Variants in TMEM131 observed in about 807,000 individuals in gnomAD.
The protein encoded by TMEM131 is 2610524E03Rik.
A neutral mutation model predicts 211.6 loss-of-function variants in TMEM131; 66 were observed. That is an observed-to-expected ratio of 0.31 (90% CI 0.26 to 0.38). The LOEUF (loss-of-function observed/expected upper bound fraction) is 0.38. TMEM131 is among the 10% of genes least tolerant of loss of function. The probability of loss-of-function intolerance (pLI) is 1.00; values close to 1 mark genes in which losing one functional copy is unlikely to be tolerated. For missense variants in TMEM131, 2,036 were observed against 2,299.3 expected (o/e 0.89, Z 2.34); for synonymous variants, 844 against 841.3 (o/e 1.00, Z -0.06).
chr2:97,843,602 AGT>A (rs1683297060), intron 6 of TMEM131, among the ~76,000 whole-genome samples: 1 of 152,214 alleles, frequency 6.6e-6, no homozygotes, highest in African/African-American at 2.4e-5. Context: ...GGCCTCCCAA[AGT>A]GCTGGGATTA....
At chr2:97,967,491 C>T (rs181365865) in intron 1 of TMEM131, among the ~76,000 whole-genome samples, 54 of 148,816 alleles carry the variant, frequency 3.6e-4, no homozygotes, top group Admixed American at 3.1e-3. Flanking sequence ...TCCCTGGGTA[C>T]AGACAAATTG....
At chr2:97,981,890 C>T (rs1435071461) in intron 1 of TMEM131, among the ~76,000 whole-genome samples, 1 of 152,186 alleles carries the variant, frequency 6.6e-6, no homozygotes, top group Non-Finnish European at 1.5e-5. Flanking sequence ...CATAATAATA[C>T]TTCACTCATT....
chr2:97,766,124 T>G lies in TMEM131; in HGVS notation c.4713A>C (p.Lys1571Asn). The G allele has an allele frequency of 6.2e-7, 1 of 1,613,956 alleles. No individual in the cohort carries two copies. Among genetic ancestry groups the G allele is most frequent in the Non-Finnish European group, 8.5e-7 (1 of 1,179,864 alleles). ...PPEWDSVPVH[K>N]PGSSTDSLYK... is the part of the protein sequence containing the mutation. ...AACTACTATACTTACAGCTGCCAGG[T>G]TTGTGAACTGGAACGGAATCCCACT... The change falls in exon 35 of 41, where the codon AAA (lysine) becomes AAC (asparagine). Residue 1571 changes from lysine to asparagine, a missense_variant. Physicochemically the swap from Lys to Asn is moderately conservative, Grantham distance 94 (BLOSUM62 0). Around this residue, in one of 3 missense-constraint regions of TMEM131, gnomAD observed 1,623 missense variants for 1,805.9 expected, o/e 0.90. Coordinates refer to ENST00000186436, the MANE Select transcript of TMEM131 (RefSeq NM_015348.2).
chr2:97,897,565 A>C (rs1242208303), intron 3 of TMEM131, among the ~76,000 whole-genome samples: 1 of 152,152 alleles, frequency 6.6e-6, no homozygotes, highest in African/African-American at 2.4e-5. Context: ...TATTGTTTTC[A>C]AATAATAATC....
chr2:97,974,824 T>C (rs1183604288), intron 1 of TMEM131, among the ~76,000 whole-genome samples: 2 of 151,836 alleles, frequency 1.3e-5, no homozygotes, highest in Non-Finnish European at 2.9e-5. Context: ...AATTCATTAC[T>C]AGCAGATCCA....
intron 22 of TMEM131, among the ~76,000 whole-genome samples, chr2:97,804,497 T>C (rs1329520633): frequency 2.0e-5 from 3 of 151,600 alleles, no homozygotes; most frequent in African/African-American, 7.3e-5. Flanking sequence ...ACCCTATCTC[T>C]ACCAAAAATA....
intron 34 of TMEM131, 58 bp from the exon 35 acceptor site, chr2:97,766,321 C>T: frequency 1.2e-6 from 2 of 1,609,104 alleles, no homozygotes; most frequent in South Asian, 1.1e-5. Flanking sequence ...TCTTTCAGGT[C>T]TATTTCAATG....
chr2:97,768,135 T>C (rs1679272540), intron 33 of TMEM131, among the ~76,000 whole-genome samples: 1 of 152,242 alleles, frequency 6.6e-6, no homozygotes, highest in Non-Finnish European at 1.5e-5. Context: ...TATCTGGAAT[T>C]AGTAAGAGAG....
chr2:97,914,343 G>C (rs1379516683), intron 2 of TMEM131, among the ~76,000 whole-genome samples: 3 of 152,174 alleles, frequency 2.0e-5, no homozygotes, highest in African/African-American at 7.2e-5. Flanking sequence ...AAGCAGCACA[G>C]CGACACTGGT....
intron 34 of TMEM131, 75 bp downstream of exon 34, chr2:97,766,403 T>C (rs1209044297): frequency 1.2e-5 from 20 of 1,606,690 alleles, no homozygotes; most frequent in Admixed American, 1.7e-5. Context: ...TTACTGATAA[T>C]GCACAACAAT....
At chr2:97,951,284 G>T (rs1368046772) in intron 1 of TMEM131, among the ~76,000 whole-genome samples, 1 of 152,180 alleles carries the variant, frequency 6.6e-6, no homozygotes, top group South Asian at 2.1e-4. Context: ...CCCTGTGATG[G>T]TAATATGTGT....
At chr2:97,865,861 A>G (rs1002044761) in intron 4 of TMEM131, among the ~76,000 whole-genome samples, 5 of 152,138 alleles carry the variant, frequency 3.3e-5, no homozygotes, top group Non-Finnish European at 7.4e-5. Flanking sequence ...TATGTGGAGC[A>G]GGGCTTGCTT....
Position 97,906,420 on chromosome 2 carries a change from C to T in TMEM131, c.290+2238G>A, listed in dbSNP as rs148667040. ...AAATTCTGTCTACAAACCTAATATT[C>T]CTGTCATCAGTAGGTACGGAGCTCT... On this transcript the variant is annotated intron_variant, in intron 3 of 40. Transcript: ENST00000186436. 4.9e-3 allele frequency among the ~76,000 whole-genome samples: 750 copies of T among 152,292 alleles called. 3 individuals carry two copies. Among genetic ancestry groups the T allele is most frequent in the African/African-American group, 0.017 (701 of 41,548 alleles).
At chr2:97,851,772 T>A (rs1673636393) in intron 5 of TMEM131, among the ~76,000 whole-genome samples, 2 of 152,214 alleles carry the variant, frequency 1.3e-5, no homozygotes, top group African/African-American at 4.8e-5. Flanking sequence ...GTGTTCTCAT[T>A]GCTCCACCAA....
chr2:97,897,644 T>C (rs914487856), intron 3 of TMEM131, among the ~76,000 whole-genome samples: 2 of 152,168 alleles, frequency 1.3e-5, no homozygotes, highest in Non-Finnish European at 2.9e-5. Context: ...TGGATTTGAT[T>C]TGCTAATATT....
chr2:97,780,491 T>C (rs183174844), intron 31 of TMEM131, among the ~76,000 whole-genome samples: 4 of 152,244 alleles, frequency 2.6e-5, no homozygotes, highest in South Asian at 2.1e-4. Context: ...TGACTTCCCT[T>C]TGAAACATTT....
chr2:97,940,246 G>A (rs756628413), intron 1 of TMEM131, among the ~76,000 whole-genome samples: 23 of 152,128 alleles, frequency 1.5e-4, no homozygotes, highest in Admixed American at 2.6e-4. Context: ...CCTGTTTGCA[G>A]ATGACATGAT....
intron 1 of TMEM131, among the ~76,000 whole-genome samples, chr2:97,956,124 C>T (rs1304258201): frequency 6.6e-6 from 1 of 152,118 alleles, no homozygotes; most frequent in Non-Finnish European, 1.5e-5. Context: ...AATAGAGTAC[C>T]TGAGAGAGTG....
chr2:97,805,838 A>G (rs1681270026), intron 19 of TMEM131, 135 bp from the exon 20 acceptor site: 2 of 825,628 alleles, frequency 2.4e-6, no homozygotes, highest in Non-Finnish European at 1.7e-6. Context: ...ATCAATTGAT[A>G]ATCTTTAAAT....
Sources: allele counts gnomAD v4.1 joint callset (sites outside exome capture counted in the v4.1 genomes callset), GRCh38; gene constraint gnomAD v4.1.1; regional missense constraint gnomAD v4.1.1; transcripts MANE v1.5; gene names NCBI Gene and HGNC (gene_info 2026-07-23, HGNC 2026-07-21).